The following TAF1A variants were observed in gnomAD, a reference collection of about 807,000 sequenced individuals.
TAF1A encodes TATA box-binding protein-associated factor RNA polymerase I subunit A.
A neutral mutation model predicts 61.6 loss-of-function variants in TAF1A; 42 were observed. The ratio of observed to expected loss-of-function variants is 0.68; its 90% CI spans 0.53 to 0.88. The LOEUF is 0.88. TAF1A is among the 40% of genes least tolerant of loss of function. The probability of loss-of-function intolerance (pLI) is 0.00; values close to 1 mark genes in which losing one functional copy is unlikely to be tolerated. For synonymous variants in TAF1A, 179 were observed against 177.7 expected, an observed-to-expected ratio of 1.01 and a Z score of -0.06; for missense variants, 424 against 518.7, an observed-to-expected ratio of 0.82 and a Z score of 1.77.
intron 7 of TAF1A, among the ~76,000 whole-genome samples, chr1:222,567,277 GGTTTTC>G (rs1199145267): frequency 6.6e-6 from 1 of 152,106 alleles, no homozygotes; most frequent in Non-Finnish European, 1.5e-5. Flanking sequence ...TTAGCACAGA[GGTTTTC>G]AGGGGCTGGG....
intron 7 of TAF1A, 192 bp downstream of exon 7, chr1:222,569,318 G>A (rs935453189): frequency 1.5e-5 from 22 of 1,513,618 alleles, no homozygotes; most frequent in South Asian, 1.3e-4. Context: ...AGTCTCATCC[G>A]GGCAGCAGGG....
chr1:222,575,106 C>T (rs1311008354), intron 5 of TAF1A, among the ~76,000 whole-genome samples: 1 of 152,072 alleles, frequency 6.6e-6, no homozygotes, highest in Admixed American at 6.5e-5. Context: ...GCACAAGATA[C>T]TGCAAACCAA....
chr1:222,564,784 CTAAAG>C (rs2102642205), intron 7 of TAF1A, among the ~76,000 whole-genome samples: 1 of 152,246 alleles, frequency 6.6e-6, no homozygotes, highest in East Asian at 1.9e-4. Context: ...ATTCTGCTTA[CTAAAG>C]TACTTTGACC....
At chr1:222,572,438 C>T (rs1158226624) in intron 5 of TAF1A, among the ~76,000 whole-genome samples, 1 of 152,110 alleles carries the variant, frequency 6.6e-6, no homozygotes, top group Non-Finnish European at 1.5e-5. Flanking sequence ...ACTGAAGCCT[C>T]ACTCTACCTC....
intron 5 of TAF1A, among the ~76,000 whole-genome samples, chr1:222,571,022 G>A (rs551632933): frequency 2.0e-4 from 30 of 152,022 alleles, no homozygotes; most frequent in Non-Finnish European, 2.1e-4. Flanking sequence ...TGTCCAAGTC[G>A]GATCTATACT....
chr1:222,557,704 G>A (rs1397120136), downstream of TAF1A, among the ~76,000 whole-genome samples: 1 of 151,638 alleles, frequency 6.6e-6, no homozygotes, highest in East Asian at 2.0e-4. Flanking sequence ...ATCTTAGACT[G>A]CTGTGCCAGG....
intron 5 of TAF1A, among the ~76,000 whole-genome samples, chr1:222,573,850 T>A (rs766232156): frequency 1.3e-5 from 2 of 152,178 alleles, no homozygotes; most frequent in Non-Finnish European, 2.9e-5. Context: ...ACAATCTAAT[T>A]GTTCATCAAC....
chr1:222,555,940 T>C (rs979014575), downstream of TAF1A, among the ~76,000 whole-genome samples: 2 of 152,152 alleles, frequency 1.3e-5, no homozygotes, highest in Non-Finnish European at 2.9e-5. Flanking sequence ...AGTAACCATA[T>C]AAGCAAGCAG....
chr1:222,570,428 T>C, intron 6 of TAF1A, 107 bp downstream of exon 6: 1 of 1,205,714 alleles, frequency 8.3e-7, no homozygotes, highest in Non-Finnish European at 1.1e-6. Context: ...TTCTTTTAAA[T>C]AATTTTTTCC....
chr1:222,580,168 T>C (rs1308135913), intron 3 of TAF1A, among the ~76,000 whole-genome samples: 1 of 152,190 alleles, frequency 6.6e-6, no homozygotes, highest in East Asian at 1.9e-4. Flanking sequence ...ATAAAATGTT[T>C]AATTGGTATG....
chr1:222,572,218 C>CA (rs1172947422), intron 5 of TAF1A, among the ~76,000 whole-genome samples: 878 of 86,436 alleles, frequency 0.01, 10 homozygotes, highest in African/African-American at 0.024. Context: ...GACTCAGTCT[C>CA]AAAAAAAAAA....
chr1:222,558,772 C>A lies in TAF1A; in HGVS notation c.1241G>T (p.Gly414Val). 2.7e-6 allele frequency: 4 copies of A among 1,472,728 alleles called. No homozygotes were observed. Among genetic ancestry groups the A allele is most frequent in the African/African-American group, 1.4e-5 (1 of 70,958 alleles). The allele number at this position is 1,472,728 out of a possible 1,614,324, so 91.2% of individuals were successfully genotyped here. A position where few individuals can be genotyped will look rare whatever the true frequency, so the allele number is the denominator to read the frequency against. ...TAAAATATACCGGAAATATCTACAACCTAAAAAGTTAAGCAAAATAAAAAG... is the reference window on the plus strand; with the variant it reads ...TAAAATATACCGGAAATATCTACAAACTAAAAAGTTAAGCAAAATAAAAAG... ...AFVAGLLLGK[G>V]CRYFRYILKQ... Residue 414 changes from glycine (G) to valine (V), a missense_variant and splice_region_variant, in exon 11 of 11, where the codon GGT becomes GTT. Physicochemically the swap from Gly to Val is moderately radical, Grantham distance 109. Coordinates refer to ENST00000352967, the MANE Select transcript of TAF1A (RefSeq NM_005681.4).
intron 7 of TAF1A, 149 bp from the exon 8 acceptor site, chr1:222,564,274 T>C: frequency 2.6e-6 from 1 of 380,762 alleles, no homozygotes; most frequent in Non-Finnish European, 4.8e-6. Flanking sequence ...CTTTATCTAG[T>C]TTCAATCTAA....
chr1:222,582,498 G>A (rs1040607909), intron 3 of TAF1A, among the ~76,000 whole-genome samples: 4 of 152,168 alleles, frequency 2.6e-5, no homozygotes, highest in African/African-American at 9.7e-5. Context: ...TTGCTGGTGA[G>A]AATATAAATG....
At chr1:222,584,544 T>C (rs1019506192) in intron 2 of TAF1A, among the ~76,000 whole-genome samples, 1 of 152,208 alleles carries the variant, frequency 6.6e-6, no homozygotes, top group Admixed American at 6.5e-5. Context: ...CCTTTAAATC[T>C]GATTCAATCA....
In TAF1A at chr1:222,558,649, A is replaced by T. The variant is rs2102632698; in HGVS notation, c.*11T>A. ...GTGTAGCTACAACTGTGAAATAACT[A>T]AAATTCAGTATCAGAGTCTTGGATT... On this transcript the variant is annotated 3_prime_UTR_variant, in exon 11 of 11. Transcript: ENST00000352967. The T allele has an allele frequency of 7.0e-7, 1 of 1,424,564 alleles. No homozygotes were observed. Among genetic ancestry groups the T allele is most frequent in the Middle Eastern group, 1.9e-4 (1 of 5,390 alleles). The allele number at this position is 1,424,564 out of a possible 1,614,324, so 88.2% of individuals were successfully genotyped here.
At chr1:222,567,523 A>G (rs769631786) in intron 7 of TAF1A, among the ~76,000 whole-genome samples, 2 of 152,218 alleles carry the variant, frequency 1.3e-5, no homozygotes, top group Non-Finnish European at 2.9e-5. Flanking sequence ...CCCATGAAAC[A>G]CTTAGGGACA....
chr1:222,567,971 A>G (rs1660180234), intron 7 of TAF1A, among the ~76,000 whole-genome samples: 1 of 152,150 alleles, frequency 6.6e-6, no homozygotes, highest in South Asian at 2.1e-4. Context: ...AGGTGGAAAT[A>G]TACATCACTA....
Position 222,570,599 on chromosome 1 carries a change from G to A in TAF1A, c.671C>T (p.Ala224Val), listed in dbSNP as rs142911202. Reference protein sequence around the residue: ...DVFNHSWKTSANISALIKIPG... With the variant: ...DVFNHSWKTSVNISALIKIPG... ...AATTTTAATCAATGCAGAAATATTTGCAGATGTCTTCCAGCTGTGGTTGAA... is the reference window on the plus strand; with the variant it reads ...AATTTTAATCAATGCAGAAATATTTACAGATGTCTTCCAGCTGTGGTTGAA... Residue 224 changes from alanine (A) to valine (V), a missense_variant, in exon 6 of 11, where the codon GCA becomes GTA. Coordinates refer to ENST00000352967, the MANE Select transcript of TAF1A (RefSeq NM_005681.4). 1 of 1,613,038 alleles carries A rather than the reference G, an allele frequency of 6.2e-7. No homozygotes were observed. Among genetic ancestry groups the A allele is most frequent in the African/African-American group, 1.3e-5 (1 of 74,986 alleles).
Sources: allele counts gnomAD v4.1 joint callset (sites outside exome capture counted in the v4.1 genomes callset), GRCh38; gene constraint gnomAD v4.1.1; transcripts MANE v1.5; gene names NCBI Gene and HGNC (gene_info 2026-07-23, HGNC 2026-07-21).